Variants in CDH4 observed in about 807,000 individuals in gnomAD.
The protein encoded by CDH4 is cadherin-4.
Under a neutral mutation model 86.0 loss-of-function variants are expected in CDH4, and 33 were observed. That is an observed-to-expected ratio of 0.38 (90% confidence interval 0.29 to 0.51). The LOEUF (loss-of-function observed/expected upper bound fraction) is 0.51. Ranked by LOEUF, CDH4 falls within the 20% of genes least tolerant of loss-of-function variation. CDH4 has a pLI of 0.86. For missense variants in CDH4, 1,114 were observed against 1,307.4 expected (o/e 0.85, Z 2.28); for synonymous variants, 555 against 549.4 (o/e 1.01, Z -0.14).
At chr20:61,747,318 G>T (rs968358297) in intron 3 of CDH4, among the ~76,000 whole-genome samples, 1 of 152,006 alleles carries the variant, frequency 6.6e-6, no homozygotes, top group African/African-American at 2.4e-5. Flanking sequence ...CGTAGTGGCA[G>T]GTGCCTATAG....
chr20:61,832,647 C>G (rs1272796960), intron 4 of CDH4, among the ~76,000 whole-genome samples: 1 of 152,134 alleles, frequency 6.6e-6, no homozygotes, highest in African/African-American at 2.4e-5. Flanking sequence ...ACCATCAGAT[C>G]TCGTGAGACT....
At chr20:61,749,527 T>A (rs562816280) in intron 3 of CDH4, among the ~76,000 whole-genome samples, 1 of 152,338 alleles carries the variant, frequency 6.6e-6, no homozygotes, top group South Asian at 2.1e-4. Context: ...CAAAACATAG[T>A]TTGTTTTCTT....
intron 7 of CDH4, among the ~76,000 whole-genome samples, chr20:61,874,144 C>T (rs1983921566): frequency 6.6e-6 from 1 of 152,102 alleles, no homozygotes; most frequent in South Asian, 2.1e-4. Context: ...TGGCTATGGG[C>T]GGAGGCCTCA....
intron 2 of CDH4, among the ~76,000 whole-genome samples, chr20:61,658,727 A>G (rs1160944073): frequency 6.6e-6 from 1 of 152,156 alleles, no homozygotes; most frequent in Non-Finnish European, 1.5e-5. Flanking sequence ...GTACCCAGGA[A>G]CAAAGGAACT....
intron 2 of CDH4, among the ~76,000 whole-genome samples, chr20:61,285,841 G>T (rs1388546864): frequency 6.6e-6 from 1 of 152,254 alleles, no homozygotes; most frequent in Non-Finnish European, 1.5e-5. Flanking sequence ...ACGTGGTTCT[G>T]GTGATGTTGC....
chr20:61,457,123 C>T (rs754872510), intron 2 of CDH4, among the ~76,000 whole-genome samples: 6 of 152,134 alleles, frequency 3.9e-5, no homozygotes, highest in Non-Finnish European at 7.3e-5. Context: ...AAAGGACCTC[C>T]GTGAGGTTCA....
intron 2 of CDH4, among the ~76,000 whole-genome samples, chr20:61,426,932 G>A (rs1459491941): frequency 6.6e-6 from 1 of 152,196 alleles, no homozygotes; most frequent in Non-Finnish European, 1.5e-5. Context: ...TGGGCTAATT[G>A]TTAGTAATTT....
At chr20:61,686,326 C>T (rs1014289307) in intron 2 of CDH4, among the ~76,000 whole-genome samples, 3 of 152,142 alleles carry the variant, frequency 2.0e-5, no homozygotes, top group African/African-American at 7.2e-5. Context: ...CTGGAGAGAA[C>T]AAGCCCAACT....
Position 61,663,252 on chromosome 20 carries a change from G to A in CDH4, c.170-80311G>A, listed in dbSNP as rs930973680. Among the ~76,000 whole-genome samples, 2 of 152,284 alleles carry A rather than the reference G, an allele frequency of 1.3e-5. No individual in the cohort carries two copies. Among genetic ancestry groups the A allele is most frequent in the African/African-American group, 2.4e-5 (1 of 41,552 alleles). On this transcript the variant is annotated intron_variant, in intron 2 of 15. Transcript: ENST00000614565. The surrounding 1 kb of genome is among the most constrained non-coding windows in gnomAD (Gnocchi z 5.0). ...CCCCTGTCCCAGAGGAGCTTTCATC[G>A]AGGGCTTGGCGCCCACGACAAATGA...
intron 2 of CDH4, among the ~76,000 whole-genome samples, chr20:61,407,075 A>C (rs2085088548): frequency 6.6e-6 from 1 of 152,106 alleles, no homozygotes; most frequent in Admixed American, 6.5e-5. Flanking sequence ...GCCTGGATAC[A>C]GCGTCAAATA....
chr20:61,919,990 C>CGTGG (rs2054952082), intron 9 of CDH4, among the ~76,000 whole-genome samples: 2 of 81,808 alleles, frequency 2.4e-5, no homozygotes, highest in African/African-American at 4.9e-5. Context: ...GCGGTGATTG[C>CGTGG]ATGGAAGTGT....
chr20:61,729,222 G>A (rs986198004), intron 2 of CDH4, among the ~76,000 whole-genome samples: 13 of 152,188 alleles, frequency 8.5e-5, no homozygotes, highest in African/African-American at 3.1e-4. Context: ...GCTCACTCCT[G>A]TGTTGGCGTG....
chr20:61,895,714 A>T (rs1985073332), intron 8 of CDH4, among the ~76,000 whole-genome samples: 1 of 152,166 alleles, frequency 6.6e-6, no homozygotes, highest in African/African-American at 2.4e-5. Flanking sequence ...CACTGCGCCG[A>T]CAGACATTTG....
At position 61,494,904 on chromosome 20, in the gene CDH4, C is replaced by T. The variant is rs541405354; in HGVS notation, c.169+239967C>T. On this transcript the variant is annotated intron_variant, in intron 2 of 15. Coordinates refer to ENST00000614565, the MANE Select transcript of CDH4 (RefSeq NM_001794.5). ...GATCAGCTGCAAATGACTGAGCTGA[C>T]ATTCATTCGCCCAACCTGCACTCTT... Among the ~76,000 whole-genome samples the T allele has an allele frequency of 3.9e-4, 60 of 152,372 alleles. 1 individual carries two copies. The South Asian group carries it at 9.1e-3, about 23-fold the overall frequency.
At chr20:61,519,416 G>A (rs577849910) in intron 2 of CDH4, among the ~76,000 whole-genome samples, 213 of 152,358 alleles carry the variant, frequency 1.4e-3, no homozygotes, top group Non-Finnish European at 2.4e-3. Context: ...ACATGCAGGT[G>A]CCGGCGGGAG....
At chr20:61,630,223 G>A (rs1256100869) in intron 2 of CDH4, among the ~76,000 whole-genome samples, 4 of 152,218 alleles carry the variant, frequency 2.6e-5, no homozygotes, top group Non-Finnish European at 4.4e-5. Context: ...GCCTTGGTGT[G>A]TGTGCAGCGC....
chr20:61,875,772 A>G (rs1477927825), intron 7 of CDH4, among the ~76,000 whole-genome samples: 2 of 152,174 alleles, frequency 1.3e-5, no homozygotes, highest in Non-Finnish European at 1.5e-5. Flanking sequence ...TGGTCCCGTC[A>G]TTCAGCTAGG....
intron 2 of CDH4, among the ~76,000 whole-genome samples, chr20:61,580,635 G>A (rs893696488): frequency 3.3e-4 from 27 of 80,812 alleles, no homozygotes; most frequent in Middle Eastern, 4.9e-3. Flanking sequence ...TCAGGTTGAC[G>A]CTCTAGGGGG....
At chr20:61,535,623 A>C (rs1288446280) in intron 2 of CDH4, among the ~76,000 whole-genome samples, 1 of 152,224 alleles carries the variant, frequency 6.6e-6, no homozygotes, top group Non-Finnish European at 1.5e-5. Flanking sequence ...GGCCTTCTTC[A>C]AAAAGCATTG....
Sources: gnomAD v4.1 joint callset for allele counts (sites outside exome capture counted in the v4.1 genomes callset) on GRCh38, gnomAD v4.1.1 for gene constraint, Gnocchi (gnomAD v3.1) non-coding constraint, MANE v1.5 for transcripts, NCBI Gene and HGNC (gene_info 2026-07-23, HGNC 2026-07-21) for gene names.